The following LARP4 variants were observed in gnomAD, a reference collection of about 807,000 sequenced individuals.
LARP4 encodes La ribonucleoprotein 4.
LARP4 carries 29 observed loss-of-function variants against 92.9 expected under a neutral mutation model. The ratio of observed to expected loss-of-function variants is 0.31; its 90% confidence interval spans 0.23 to 0.43. The LOEUF is 0.43. Ranked by LOEUF, LARP4 falls within the 20% of genes least tolerant of loss-of-function variation. The probability of loss-of-function intolerance (pLI) is 1.00; values close to 1 mark genes in which losing one functional copy is unlikely to be tolerated. For missense variants in LARP4, 732 were observed against 860.0 expected (o/e 0.85, Z 1.86); for synonymous variants, 279 against 284.1 (o/e 0.98, Z 0.18).
chr12:50,431,400 A>G (rs1949638622), intron 4 of LARP4, among the ~76,000 whole-genome samples: 1 of 152,228 alleles, frequency 6.6e-6, no homozygotes, highest in Non-Finnish European at 1.5e-5. Context: ...GTTATTTCTT[A>G]ATGCATGTTT....
chr12:50,473,500 C>T lies in LARP4; in HGVS notation c.1631C>T (p.Thr544Ile), dbSNP rs370779483. ...CTSAQQLNMS[T>I]SSPCAAELTA... Reference sequence around the variant, plus strand: ...TCTGCCCAGCAACTCAATATGAGTACCAGTTCTCCATGTGCTGCTGAGCTT... The same window carrying T: ...TCTGCCCAGCAACTCAATATGAGTATCAGTTCTCCATGTGCTGCTGAGCTT... The change falls in exon 14 of 16, where the codon ACC (threonine) becomes ATC (isoleucine). Residue 544 changes from threonine to isoleucine, a missense_variant. Physicochemically the swap from Thr to Ile is moderately conservative, Grantham distance 89. Coordinates refer to ENST00000398473, the MANE Select transcript of LARP4 (RefSeq NM_052879.5). 8 of 1,613,174 alleles carry T rather than the reference C, an allele frequency of 5.0e-6. No homozygotes were observed. Among genetic ancestry groups the T allele is most frequent in the Middle Eastern group, 1.6e-4 (1 of 6,082 alleles).
intron 1 of LARP4, among the ~76,000 whole-genome samples, chr12:50,407,323 C>T (rs980987681): frequency 3.3e-5 from 5 of 152,086 alleles, no homozygotes; most frequent in Non-Finnish European, 7.4e-5. Flanking sequence ...TGCGTCTGGC[C>T]GAAGCTTTGT....
chr12:50,442,340 A>G (rs980801257), intron 8 of LARP4, among the ~76,000 whole-genome samples: 10 of 152,192 alleles, frequency 6.6e-5, no homozygotes, highest in African/African-American at 2.4e-4. Context: ...AAACCTAGGC[A>G]TTGTCACTGA....
rs971834800 is a variant in LARP4 at position 50,457,255 on chromosome 12, G to A, written c.1121+2838G>A. Among the ~76,000 whole-genome samples, 6 of 146,660 alleles carry A rather than the reference G, an allele frequency of 4.1e-5. No individual in the cohort carries two copies. In the South Asian group the frequency reaches 1.3e-3, roughly 32 times the overall value. On this transcript the variant is annotated intron_variant, in intron 10 of 15. Transcript: ENST00000398473. ...GAGTTTTGCTCTTGTTGTCCAGGCT[G>A]GAGTGCAATGGCGGGATCTCGGCTC...
chr12:50,463,881 A>G (rs889584821), intron 12 of LARP4, among the ~76,000 whole-genome samples: 11 of 152,060 alleles, frequency 7.2e-5, no homozygotes, highest in Non-Finnish European at 1.5e-4. Context: ...GAAGTTTTCC[A>G]TGAGATCTGT....
At chr12:50,408,345 T>A (rs1459957659) in intron 1 of LARP4, among the ~76,000 whole-genome samples, 1 of 151,880 alleles carries the variant, frequency 6.6e-6, no homozygotes, top group Non-Finnish European at 1.5e-5. Flanking sequence ...ATTACAAGCA[T>A]GCACCACCAT....
intron 1 of LARP4, among the ~76,000 whole-genome samples, chr12:50,426,597 C>G (rs547159926): frequency 1.3e-5 from 2 of 151,900 alleles, no homozygotes; most frequent in African/African-American, 4.8e-5. Context: ...TGATAAAATA[C>G]TCCTCACTAC....
rs977343863 is a variant in LARP4 at position 50,444,129 on chromosome 12, A to G, written c.804+2486A>G. Among the ~76,000 whole-genome samples, 8 of 152,210 alleles carry G rather than the reference A, an allele frequency of 5.3e-5. No individual in the cohort carries two copies. In the Middle Eastern group the frequency reaches 0.014, roughly 259 times the overall value. ...GTTCAATTTATTGGTTAAATTGGGG[A>G]CAGCTGGTTGTTTTAGCCTACATTA... is the stretch of plus-strand genomic sequence containing the variant. On this transcript the variant is annotated intron_variant, in intron 8 of 15. Coordinates refer to ENST00000398473, the MANE Select transcript of LARP4 (RefSeq NM_052879.5).
At chr12:50,428,854 A>G (rs555687795) in intron 2 of LARP4, 81 bp from the exon 3 acceptor site, 2 of 1,020,044 alleles carry the variant, frequency 2.0e-6, no homozygotes, top group African/African-American at 1.7e-5. Flanking sequence ...AAATCTTTTT[A>G]TAGGTGACAT....
chr12:50,415,654 A>G (rs1020535394), intron 1 of LARP4: 3 of 146,356 alleles, frequency 2.0e-5, no homozygotes, highest in African/African-American at 7.4e-5. Context: ...CCTCCTCAGT[A>G]TGTGTACTAG....
Position 50,423,112 on chromosome 12 carries a change from G to A in LARP4, c.19-4650G>A, listed in dbSNP as rs770075354. Among the ~76,000 whole-genome samples the A allele has an allele frequency of 1.4e-4, 21 of 151,978 alleles. 1 individual carries two copies. Among genetic ancestry groups the A allele is most frequent in the East Asian group, 3.9e-4 (2 of 5,154 alleles). On this transcript the variant is annotated intron_variant, in intron 1 of 15. Transcript: ENST00000398473. Reference sequence around the variant, plus strand: ...TGGGATTACAGGCGTGAGCCACCGCGCCTGGCTGGAAAATTATTCTTAAGG... The same window carrying A: ...TGGGATTACAGGCGTGAGCCACCGCACCTGGCTGGAAAATTATTCTTAAGG...
At chr12:50,412,003 A>G (rs1945991834) in intron 1 of LARP4, among the ~76,000 whole-genome samples, 1 of 152,068 alleles carries the variant, frequency 6.6e-6, no homozygotes, top group Non-Finnish European at 1.5e-5. Flanking sequence ...TTAGGTTTAA[A>G]TCCTGGTTTT....
rs1273297944 is a variant in LARP4 at position 50,431,309 on chromosome 12, A to T, written c.398+739A>T. Reference sequence around the variant, plus strand: ...TAGTCTCCAGTCTGATATGCAGAGGATCTATTCTTAATATAAAGATAATGA... The same window carrying T: ...TAGTCTCCAGTCTGATATGCAGAGGTTCTATTCTTAATATAAAGATAATGA... On this transcript the variant is annotated intron_variant, in intron 4 of 15. Coordinates refer to ENST00000398473, the MANE Select transcript of LARP4 (RefSeq NM_052879.5). Among the ~76,000 whole-genome samples the T allele has an allele frequency of 2.0e-5, 3 of 151,982 alleles. No individual in the cohort carries two copies. The East Asian group carries it at 5.8e-4, about 30-fold the overall frequency.
intron 1 of LARP4, among the ~76,000 whole-genome samples, chr12:50,404,594 T>C (rs909962776): frequency 6.6e-6 from 1 of 151,854 alleles, no homozygotes; most frequent in African/African-American, 2.4e-5. Flanking sequence ...ATTTTTTTCC[T>C]CTTGAGACCG....
intron 5 of LARP4, among the ~76,000 whole-genome samples, chr12:50,437,214 C>T (rs1400567885): frequency 1.3e-5 from 2 of 152,110 alleles, no homozygotes; most frequent in African/African-American, 4.8e-5. Flanking sequence ...TTTTGGGTCT[C>T]TGTAGTAGTA....
intron 1 of LARP4, chr12:50,416,424 G>C (rs1427402356): frequency 6.6e-6 from 1 of 152,244 alleles, no homozygotes; most frequent in Middle Eastern, 3.2e-3. Flanking sequence ...CACTTGGGAT[G>C]GGAGGCTAAG....
At chr12:50,472,941 G>C (rs535147072) in intron 13 of LARP4, among the ~76,000 whole-genome samples, 1 of 151,876 alleles carries the variant, frequency 6.6e-6, no homozygotes, top group African/African-American at 2.4e-5. Context: ...TTCTGCCTCA[G>C]CCTCCCAAGT....
At chr12:50,446,431 T>A (rs867961836) in intron 8 of LARP4, among the ~76,000 whole-genome samples, 428 of 13,222 alleles carry the variant, frequency 0.032, 89 homozygotes, top group Middle Eastern at 0.083. Flanking sequence ...ATATATATAT[T>A]TTTTTTTTTT....
At chr12:50,447,351 A>G (rs1952375067) in intron 8 of LARP4, among the ~76,000 whole-genome samples, 1 of 152,176 alleles carries the variant, frequency 6.6e-6, no homozygotes, top group South Asian at 2.1e-4. Flanking sequence ...CCAAACAGTA[A>G]ATATTATAGA....
Sources: gnomAD v4.1 joint callset for allele counts (sites outside exome capture counted in the v4.1 genomes callset) on GRCh38, gnomAD v4.1.1 for gene constraint, MANE v1.5 for transcripts, NCBI Gene and HGNC (gene_info 2026-07-23, HGNC 2026-07-21) for gene names.